Variants in SCCPDH observed in about 807,000 individuals in gnomAD.
SCCPDH encodes the protein saccharopine dehydrogenase (putative).
Under a neutral mutation model 51.5 loss-of-function variants are expected in SCCPDH, and 34 were observed. The ratio of observed to expected loss-of-function variants is 0.66; its 90% CI spans 0.50 to 0.88. The LOEUF (loss-of-function observed/expected upper bound fraction) is 0.88, where lower values mean the gene tolerates loss of function less well. Ranked by LOEUF, SCCPDH falls within the 40% of genes least tolerant of loss-of-function variation. SCCPDH has a pLI of 0.00. For synonymous variants in SCCPDH, 187 were observed against 191.3 expected, an observed-to-expected ratio of 0.98 and a Z score of 0.19; for missense variants, 464 against 527.1, an observed-to-expected ratio of 0.88 and a Z score of 1.17.
At position 246,755,118 on chromosome 1, in the gene SCCPDH, G is replaced by A. The variant is rs989156331; in HGVS notation, c.565-3108G>A. Among the ~76,000 whole-genome samples, 3 of 152,186 alleles carry A rather than the reference G, an allele frequency of 2.0e-5. No individual in the cohort carries two copies. The East Asian group carries it at 5.8e-4, about 29-fold the overall frequency. On this transcript the variant is annotated intron_variant, in intron 5 of 11. Transcript: ENST00000366510. The stretch of plus-strand genomic sequence containing the variant: ...GTACAAGATTTCTTTGAAGAAAACT[G>A]TAAACCTTTATTGAGGGACCATAAA...
chr1:246,760,349 T>C, intron 9 of SCCPDH, 122 bp downstream of exon 9: 1 of 800,824 alleles, frequency 1.2e-6, no homozygotes, highest in South Asian at 1.9e-5. Context: ...GTAAATTAGA[T>C]TATTCAATCT....
In SCCPDH at chr1:246,746,805, C is replaced by A. The variant is rs1668768331; in HGVS notation, c.564+2680C>A. 2.0e-5 allele frequency among the ~76,000 whole-genome samples: 3 copies of A among 152,206 alleles called. No homozygotes were observed. The South Asian group carries it at 6.2e-4, about 32-fold the overall frequency. On this transcript the variant is annotated intron_variant, in intron 5 of 11. Coordinates refer to ENST00000366510, the MANE Select transcript of SCCPDH (RefSeq NM_016002.3). ...GCAGTGAGCCGAGATCGTGCCACTG[C>A]ACCCCTGCCTGGGTAACAGAGCAAG... is the stretch of plus-strand genomic sequence containing the variant.
rs1668994075 is a variant in SCCPDH at position 246,760,336 on chromosome 1, T to C, written c.990+109T>C. The C allele has an allele frequency of 1.2e-5, 11 of 885,448 alleles. No homozygotes were observed. The East Asian group carries it at 2.9e-4, about 23-fold the overall frequency. 54.8% of individuals were successfully genotyped at this position (885,448 alleles called of 1,614,324 possible). ...GTTTCAGATACTCTTTTAAGTTCTT[T>C]ATGTAAATTAGATTATTCAATCTTT... is the stretch of plus-strand genomic sequence containing the variant. On this transcript the variant is annotated intron_variant, in intron 9 of 11. Coordinates refer to ENST00000366510, the MANE Select transcript of SCCPDH (RefSeq NM_016002.3).
intron 1 of SCCPDH, 140 bp from the exon 2 acceptor site, chr1:246,726,752 C>A: frequency 1.6e-6 from 1 of 608,278 alleles, no homozygotes. Context: ...ACAGTTTTAT[C>A]TTTTGTCTAA....
chr1:246,746,024 C>T (rs1668753346), intron 5 of SCCPDH, among the ~76,000 whole-genome samples: 1 of 143,972 alleles, frequency 6.9e-6, no homozygotes. Context: ...AGGAGAGTGG[C>T]GTGAACCCGG....
chr1:246,736,498 G>A (rs910325062), intron 3 of SCCPDH, among the ~76,000 whole-genome samples: 51 of 152,088 alleles, frequency 3.4e-4, no homozygotes, highest in Admixed American at 2.1e-3. Flanking sequence ...TCAGGAGATC[G>A]AGACCATCCT....
At chr1:246,744,033 A>G in intron 4 of SCCPDH, 43 bp from the exon 5 acceptor site, 2 of 1,169,096 alleles carry the variant, frequency 1.7e-6, no homozygotes, top group Non-Finnish European at 2.5e-6. Flanking sequence ...AATAATTTAG[A>G]TGTTATTTTA....
intron 7 of SCCPDH, 72 bp from the exon 8 acceptor site, chr1:246,759,884 CA>C: frequency 2.0e-6 from 3 of 1,478,898 alleles, no homozygotes; most frequent in Non-Finnish European, 2.8e-6. Flanking sequence ...GAGAAAGGTA[CA>C]AGTAACTAAC....
chr1:246,729,373 A>G (rs1200594480), intron 2 of SCCPDH, among the ~76,000 whole-genome samples: 3 of 152,044 alleles, frequency 2.0e-5, no homozygotes, highest in African/African-American at 7.2e-5. Context: ...TCAACTGCAT[A>G]AGACAGACAC....
At chr1:246,733,460 C>T (rs1668523326) in intron 2 of SCCPDH, among the ~76,000 whole-genome samples, 1 of 148,584 alleles carries the variant, frequency 6.7e-6, no homozygotes, top group Admixed American at 6.8e-5. Context: ...AGTATATGGC[C>T]TCTATATATA....
At chr1:246,738,898 T>G (rs767531321) in intron 3 of SCCPDH, among the ~76,000 whole-genome samples, 9 of 152,218 alleles carry the variant, frequency 5.9e-5, no homozygotes, top group Non-Finnish European at 8.8e-5. Flanking sequence ...GAGACAAATC[T>G]TCTTTGTGGA....
chr1:246,758,088 C>A (rs1327936362), intron 5 of SCCPDH, 138 bp from the exon 6 acceptor site: 3 of 632,700 alleles, frequency 4.7e-6, no homozygotes, highest in Non-Finnish European at 7.6e-6. Context: ...TGAAAATTCT[C>A]CTCAAGATTA....
At chr1:246,732,649 A>G (rs982142166) in intron 2 of SCCPDH, among the ~76,000 whole-genome samples, 2 of 152,078 alleles carry the variant, frequency 1.3e-5, no homozygotes, top group Admixed American at 6.5e-5. Context: ...CGGCCTCCCA[A>G]AGTGCTGGGA....
chr1:246,752,400 T>C (rs896511443), intron 5 of SCCPDH, among the ~76,000 whole-genome samples: 6 of 152,184 alleles, frequency 3.9e-5, no homozygotes, highest in Admixed American at 3.9e-4. Context: ...GTAGTCTGTT[T>C]GGCTATCTGA....
intron 2 of SCCPDH, among the ~76,000 whole-genome samples, chr1:246,728,304 G>C (rs983903762): frequency 6.6e-6 from 1 of 152,198 alleles, no homozygotes; most frequent in Non-Finnish European, 1.5e-5. Flanking sequence ...TGTTGATTTA[G>C]ATTCATCTCA....
chr1:246,750,820 G>T (rs957829296), intron 5 of SCCPDH, among the ~76,000 whole-genome samples: 1 of 152,204 alleles, frequency 6.6e-6, no homozygotes, highest in African/African-American at 2.4e-5. Flanking sequence ...AATGAATCTG[G>T]ATACTTTGGA....
At chr1:246,757,346 A>G (rs1471623285) in intron 5 of SCCPDH, among the ~76,000 whole-genome samples, 1 of 145,290 alleles carries the variant, frequency 6.9e-6, no homozygotes, top group Non-Finnish European at 1.5e-5. Context: ...CTCTGTCTCA[A>G]AAAAAAAAAA....
chr1:246,726,731 C>G (rs111910977), intron 1 of SCCPDH, among the ~76,000 whole-genome samples, 161 bp from the exon 2 acceptor site: 1 of 152,200 alleles, frequency 6.6e-6, no homozygotes, highest in African/African-American at 2.4e-5. Flanking sequence ...TTTTGTATTA[C>G]CTGATTAAAA....
At chr1:246,747,706 G>GTA (rs1668782419) in intron 5 of SCCPDH, among the ~76,000 whole-genome samples, 1 of 152,096 alleles carries the variant, frequency 6.6e-6, no homozygotes, top group African/African-American at 2.4e-5. Context: ...GGGTTGGACT[G>GTA]CAGTCTAAGC....
Sources: gnomAD v4.1 joint callset for allele counts (sites outside exome capture counted in the v4.1 genomes callset) on GRCh38, gnomAD v4.1.1 for gene constraint, MANE v1.5 for transcripts, NCBI Gene and HGNC (gene_info 2026-07-23, HGNC 2026-07-21) for gene names.